Variants in CDKL1 observed in about 807,000 individuals in gnomAD.
CDKL1 encodes cyclin dependent kinase like 1.
Under a neutral mutation model 42.0 loss-of-function variants are expected in CDKL1, and 41 were observed. The observed-to-expected ratio is 0.98, with a 90% CI of 0.76 to 1.27. The LOEUF (loss-of-function observed/expected upper bound fraction) is 1.27. Ranked by LOEUF, CDKL1 falls within the 50% of genes most tolerant of loss-of-function variation. The pLI, the probability that CDKL1 is intolerant of heterozygous loss-of-function variation, is 0.00. For synonymous variants in CDKL1, 153 were observed against 158.6 expected, an observed-to-expected ratio of 0.96 and a Z score of 0.26; for missense variants, 394 against 428.4, an observed-to-expected ratio of 0.92 and a Z score of 0.71.
chr14:50,353,156 A>G (rs1212522051), intron 3 of CDKL1, among the ~76,000 whole-genome samples: 3 of 152,210 alleles, frequency 2.0e-5, no homozygotes, highest in Non-Finnish European at 4.4e-5. Context: ...TCACAAAATA[A>G]CTTTCAGAAA....
At chr14:50,385,916 T>C (rs79621605) in intron 2 of CDKL1, among the ~76,000 whole-genome samples, 3,082 of 152,102 alleles carry the variant, frequency 0.02, 39 homozygotes, top group Non-Finnish European at 0.033. Context: ...TATATAGTTC[T>C]ATAACCATTA....
intron 5 of CDKL1, among the ~76,000 whole-genome samples, 190 bp from the exon 6 acceptor site, chr14:50,341,422 CA>C (rs1798481264): frequency 7.0e-6 from 1 of 142,194 alleles, no homozygotes; most frequent in African/African-American, 2.6e-5. Context: ...AGCCACACTC[CA>C]GTCCAATTAA....
At chr14:50,359,504 G>T (rs1442897179) in intron 2 of CDKL1, among the ~76,000 whole-genome samples, 2 of 152,058 alleles carry the variant, frequency 1.3e-5, no homozygotes, top group Non-Finnish European at 2.9e-5. Flanking sequence ...TCAGTGCCTT[G>T]TATGTCTAAA....
intron 2 of CDKL1, among the ~76,000 whole-genome samples, chr14:50,359,665 G>A (rs764279310): frequency 1.3e-5 from 2 of 151,868 alleles, no homozygotes; most frequent in East Asian, 1.9e-4. Context: ...TACGAACGAC[G>A]GCATCAGGGT....
At chr14:50,381,434 T>C (rs764742896) in intron 2 of CDKL1, among the ~76,000 whole-genome samples, 106 of 152,214 alleles carry the variant, frequency 7.0e-4, no homozygotes, top group Non-Finnish European at 1.3e-3. Flanking sequence ...AACTCATCTG[T>C]GTTGCTGCCC....
intron 2 of CDKL1, among the ~76,000 whole-genome samples, chr14:50,393,393 G>A (rs1484592862): frequency 6.6e-6 from 1 of 152,170 alleles, no homozygotes; most frequent in Non-Finnish European, 1.5e-5. Context: ...GGGGCTCTAT[G>A]AGTATTTACT....
chr14:50,332,203 A>T (rs2032985517), intron 9 of CDKL1, 59 bp downstream of exon 9: 1 of 1,614,080 alleles, frequency 6.2e-7, no homozygotes, highest in African/African-American at 1.3e-5. Flanking sequence ...GCCATCCTCA[A>T]GTCTAGATTC....
At chr14:50,348,473 A>G (rs1386444855) in intron 3 of CDKL1, among the ~76,000 whole-genome samples, 1 of 152,218 alleles carries the variant, frequency 6.6e-6, no homozygotes, top group Non-Finnish European at 1.5e-5. Context: ...ACAGGGGATT[A>G]AAGGACTGTA....
intron 3 of CDKL1, among the ~76,000 whole-genome samples, chr14:50,349,742 TTTGTTGTTG>T (rs138022916): frequency 1.3e-5 from 2 of 151,318 alleles, no homozygotes; most frequent in South Asian, 4.2e-4. Context: ...CTCTTGTCTT[TTTGTTGTTG>T]TTGTTGTTGT....
At chr14:50,385,457 G>A (rs1464439239) in intron 2 of CDKL1, among the ~76,000 whole-genome samples, 1 of 152,196 alleles carries the variant, frequency 6.6e-6, no homozygotes, top group Non-Finnish European at 1.5e-5. Flanking sequence ...CATGAAAGAT[G>A]AAATAAGAGA....
chr14:50,331,839 A>C (rs1258724775), intron 9 of CDKL1: 1 of 611,374 alleles, frequency 1.6e-6, no homozygotes, highest in East Asian at 2.8e-5. Context: ...CAACTCTGAC[A>C]AAGGATCAGG....
rs373120417 is a variant in CDKL1, at chr14:50,371,799, G to T, written c.169-12650C>A. 3.0e-4 allele frequency among the ~76,000 whole-genome samples: 45 copies of T among 152,364 alleles called. 1 individual carries two copies. The South Asian group carries it at 8.5e-3, about 29-fold the overall frequency. On this transcript the variant is annotated intron_variant, in intron 2 of 9. Coordinates refer to ENST00000395834, the MANE Select transcript of CDKL1 (RefSeq NM_004196.7). ...ATGTCTGCACACTTGGGACCTGGGA[G>T]GCCCCCCAACCCCTGCAGGCTCAGA...
chr14:50,350,374 C>T (rs2033865694), intron 3 of CDKL1, among the ~76,000 whole-genome samples: 1 of 152,184 alleles, frequency 6.6e-6, no homozygotes, highest in Non-Finnish European at 1.5e-5. Context: ...GGGCTCAATT[C>T]CTTCTCATTC....
In CDKL1 at chr14:50,326,998, G is replaced by A. The variant is rs1166378223; in HGVS notation, c.*3076C>T. ...TGAGGCTGCAGTAAGCTATGATCAC[G>A]GCCACTGCACACCAGCCTGGTAGCC... On this transcript the variant is annotated 3_prime_UTR_variant, in exon 10 of 10. Coordinates refer to ENST00000395834, the MANE Select transcript of CDKL1 (RefSeq NM_004196.7). 1.3e-5 allele frequency: 2 copies of A among 152,458 alleles called. No homozygotes were observed. The highest frequency in any genetic ancestry group is 2.4e-5 in the African/African-American group (1 of 41,294). 9.4% of individuals were successfully genotyped at this position (152,458 alleles called of 1,614,324 possible). A position where few individuals can be genotyped will look rare whatever the true frequency, so the allele number is the denominator to read the frequency against.
chr14:50,350,832 G>T (rs913463225), intron 3 of CDKL1, among the ~76,000 whole-genome samples: 1 of 152,144 alleles, frequency 6.6e-6, no homozygotes, highest in Non-Finnish European at 1.5e-5. Context: ...CAGTTCAGTT[G>T]CCTTGTTGAG....
intron 9 of CDKL1, 97 bp downstream of exon 9, chr14:50,332,165 G>C (rs1450526263): frequency 5.0e-6 from 8 of 1,613,740 alleles, no homozygotes; most frequent in Non-Finnish European, 6.8e-6. Flanking sequence ...GTGCTGGAAT[G>C]AGGATGCTGG....
intron 3 of CDKL1, among the ~76,000 whole-genome samples, chr14:50,350,882 C>A (rs919829420): frequency 2.0e-5 from 3 of 152,110 alleles, no homozygotes; most frequent in Non-Finnish European, 1.5e-5. Flanking sequence ...GGCTGTTGCC[C>A]AGCTCCCCAG....
At chr14:50,392,058 C>T (rs558140357) in intron 2 of CDKL1, among the ~76,000 whole-genome samples, 1 of 152,304 alleles carries the variant, frequency 6.6e-6, no homozygotes, top group East Asian at 1.9e-4. Context: ...CGCCAAAGAC[C>T]CTCACATGAT....
At chr14:50,367,413 G>A (rs987768728) in intron 2 of CDKL1, among the ~76,000 whole-genome samples, 3 of 152,072 alleles carry the variant, frequency 2.0e-5, no homozygotes, top group African/African-American at 7.2e-5. Flanking sequence ...GAACTCAAAG[G>A]GACACCTCTG....
Sources: gnomAD v4.1 joint callset for allele counts (sites outside exome capture counted in the v4.1 genomes callset) on GRCh38, gnomAD v4.1.1 for gene constraint, MANE v1.5 for transcripts, NCBI Gene and HGNC (gene_info 2026-07-23, HGNC 2026-07-21) for gene names.